CTNNA3: variants seen among roughly 807,000 people sequenced by gnomAD.
CTNNA3 encodes the protein catenin alpha-3.
CTNNA3 carries 76 observed loss-of-function variants against 95.7 expected under a neutral mutation model. The observed-to-expected ratio is 0.79, with a 90% confidence interval of 0.66 to 0.96. CTNNA3 has a LOEUF of 0.96. CTNNA3 is among the 40% of genes least tolerant of loss of function. CTNNA3 has a pLI of 0.00. For synonymous variants in CTNNA3, 431 were observed against 374.4 expected (o/e 1.15, Z -1.74); for missense variants, 1,191 against 1,089.8 (o/e 1.09, Z -1.31).
At chr10:66,794,025 A>T (rs1184965389) in intron 7 of CTNNA3, among the ~76,000 whole-genome samples, 1 of 152,186 alleles carries the variant, frequency 6.6e-6, no homozygotes, top group African/African-American at 2.4e-5. Context: ...GCTTCCACTT[A>T]ATTACAGACT....
At chr10:67,708,417 A>C (rs1841089826) in intron 1 of CTNNA3, among the ~76,000 whole-genome samples, 1 of 152,174 alleles carries the variant, frequency 6.6e-6, no homozygotes, top group African/African-American at 2.4e-5. Flanking sequence ...TGATGGTTCT[A>C]AAAACAACTT....
At chr10:67,559,214 G>T (rs770095423) in intron 3 of CTNNA3, among the ~76,000 whole-genome samples, 1 of 152,226 alleles carries the variant, frequency 6.6e-6, no homozygotes, top group Non-Finnish European at 1.5e-5. Flanking sequence ...CCTCACCCCC[G>T]AGCAGCCTAA....
rs572177216 is a variant in CTNNA3 at position 66,114,461 on chromosome 10, TATATATGTGC to T, written c.1885-11222_1885-11213del. 2.1e-4 allele frequency among the ~76,000 whole-genome samples: 31 copies of T among 147,464 alleles called. No individual in the cohort carries two copies. The East Asian group carries it at 5.0e-3, about 24-fold the overall frequency. On this transcript the variant is annotated intron_variant, in intron 13 of 17. Transcript: ENST00000433211. Reference sequence around the variant, plus strand: ...ATATGTGTATATATGTATATATGTGTATATATGTGCGTATATGTATATATGTGTATATATG... The same window carrying T: ...ATATGTGTATATATGTATATATGTGTGTATATGTATATATGTGTATATATG...
intron 13 of CTNNA3, among the ~76,000 whole-genome samples, chr10:66,159,370 G>A (rs562229577): frequency 4.2e-4 from 64 of 152,080 alleles, no homozygotes; most frequent in East Asian, 3.3e-3. Flanking sequence ...ATCATAAAGC[G>A]ATGCTAGATT....
intron 13 of CTNNA3, among the ~76,000 whole-genome samples, chr10:66,115,581 A>G (rs1320970550): frequency 7.2e-6 from 1 of 138,794 alleles, no homozygotes; most frequent in African/African-American, 2.7e-5. Context: ...CAGATAGATG[A>G]TAGATAGATA....
At chr10:66,903,822 G>C (rs1456582487) in intron 7 of CTNNA3, among the ~76,000 whole-genome samples, 1 of 152,080 alleles carries the variant, frequency 6.6e-6, no homozygotes, top group East Asian at 1.9e-4. Context: ...AACTTACAAG[G>C]GATGTGAAGG....
At chr10:67,049,884 A>T (rs544356971) in intron 7 of CTNNA3, among the ~76,000 whole-genome samples, 1 of 152,350 alleles carries the variant, frequency 6.6e-6, no homozygotes, top group Non-Finnish European at 1.5e-5. Flanking sequence ...AGCCTATGTT[A>T]TTCTAAGCAT....
intron 7 of CTNNA3, among the ~76,000 whole-genome samples, chr10:66,917,440 G>A (rs1025075130): frequency 6.6e-6 from 1 of 152,158 alleles, no homozygotes; most frequent in Non-Finnish European, 1.5e-5. Flanking sequence ...ATATTTTAGA[G>A]TAATATAAGG....
intron 12 of CTNNA3, among the ~76,000 whole-genome samples, chr10:66,355,325 T>C (rs557393871): frequency 6.6e-6 from 1 of 152,186 alleles, no homozygotes; most frequent in African/African-American, 2.4e-5. Context: ...TTGGGAAAAT[T>C]ATTTTATGCA....
intron 11 of CTNNA3, among the ~76,000 whole-genome samples, chr10:66,497,120 T>G (rs1840125493): frequency 6.6e-6 from 1 of 152,138 alleles, no homozygotes; most frequent in African/African-American, 2.4e-5. Flanking sequence ...TACAGTCACA[T>G]TCTGAGTTAC....
At chr10:66,736,278 C>A (rs1011558127) in intron 9 of CTNNA3, among the ~76,000 whole-genome samples, 1 of 151,918 alleles carries the variant, frequency 6.6e-6, no homozygotes, top group Non-Finnish European at 1.5e-5. Flanking sequence ...TTCCGCCTCC[C>A]GGGTTCAAGC....
intron 7 of CTNNA3, among the ~76,000 whole-genome samples, chr10:67,081,883 T>TTCACTAGTTTAC (rs1857077543): frequency 6.6e-6 from 1 of 152,212 alleles, no homozygotes. Flanking sequence ...GCCCTGTTTA[T>TTCACTAGTTTAC]TCACTAGTTT....
intron 5 of CTNNA3, among the ~76,000 whole-genome samples, chr10:67,467,449 T>A (rs1847639374): frequency 6.6e-6 from 1 of 151,634 alleles, no homozygotes; most frequent in African/African-American, 2.4e-5. Flanking sequence ...TAGACTTTCA[T>A]GCCATTCAAA....
intron 5 of CTNNA3, among the ~76,000 whole-genome samples, chr10:67,348,372 A>G (rs1423888688): frequency 6.6e-6 from 1 of 152,172 alleles, no homozygotes; most frequent in Admixed American, 6.6e-5. Context: ...CCTACAGAAT[A>G]GGAAAAAATG....
intron 7 of CTNNA3, among the ~76,000 whole-genome samples, chr10:67,061,605 A>G (rs1295330450): frequency 6.6e-6 from 1 of 152,202 alleles, no homozygotes; most frequent in Non-Finnish European, 1.5e-5. Flanking sequence ...GAATTGTAGC[A>G]ATGTTTTAGC....
At chr10:67,013,153 G>C (rs908404903) in intron 7 of CTNNA3, 1 of 152,104 alleles carries the variant, frequency 6.6e-6, no homozygotes. Flanking sequence ...TAGGTGAAAA[G>C]ACTAAAGTCA....
intron 1 of CTNNA3, among the ~76,000 whole-genome samples, chr10:67,671,146 T>A (rs1840424127): frequency 6.6e-6 from 1 of 152,164 alleles, no homozygotes; most frequent in Non-Finnish European, 1.5e-5. Context: ...CAGAATGGCA[T>A]GTGAAAGAAT....
intron 7 of CTNNA3, among the ~76,000 whole-genome samples, chr10:66,891,681 G>A (rs1845274859): frequency 6.6e-6 from 1 of 152,144 alleles, no homozygotes; most frequent in African/African-American, 2.4e-5. Flanking sequence ...AAGAAAGAAA[G>A]AGAGGGAAAG....
At chr10:66,227,320 A>G (rs905446991) in intron 13 of CTNNA3, among the ~76,000 whole-genome samples, 4 of 150,936 alleles carry the variant, frequency 2.7e-5, no homozygotes, top group African/African-American at 7.3e-5. Flanking sequence ...TGGTTTTGTC[A>G]TATGTGGCCT....
Sources: gnomAD v4.1 joint callset for allele counts (sites outside exome capture counted in the v4.1 genomes callset) on GRCh38, gnomAD v4.1.1 for gene constraint, MANE v1.5 for transcripts, NCBI Gene and HGNC (gene_info 2026-07-23, HGNC 2026-07-21) for gene names.